MARCHF8: variants seen among roughly 807,000 people sequenced by gnomAD.
The protein encoded by MARCHF8 is membrane associated ring-CH-type finger 8, also known as E3 ubiquitin-protein ligase MARCHF8.
Under a neutral mutation model 51.6 loss-of-function variants are expected in MARCHF8, and 40 were observed. That is an observed-to-expected ratio of 0.77 (90% CI 0.60 to 1.01). MARCHF8 has a LOEUF of 1.01. MARCHF8 is among the 50% of genes least tolerant of loss of function. The probability of loss-of-function intolerance (pLI) is 0.00; values close to 1 mark genes in which losing one functional copy is unlikely to be tolerated. For missense variants in MARCHF8, 685 were observed against 708.6 expected, an observed-to-expected ratio of 0.97 and a Z score of 0.38; for synonymous variants, 263 against 280.3, an observed-to-expected ratio of 0.94 and a Z score of 0.62.
At chr10:45,464,653 T>C (rs1182451904) in intron 3 of MARCHF8, among the ~76,000 whole-genome samples, 1 of 152,210 alleles carries the variant, frequency 6.6e-6, no homozygotes, top group Non-Finnish European at 1.5e-5. Context: ...CTAGAAGGTA[T>C]CATACAAATG....
intron 3 of MARCHF8, among the ~76,000 whole-genome samples, chr10:45,486,696 C>T (rs532961628): frequency 6.6e-6 from 1 of 152,030 alleles, no homozygotes; most frequent in Non-Finnish European, 1.5e-5. Context: ...CGAACTTTGA[C>T]AAGAGTCAGG....
At chr10:45,546,594 C>A (rs2044126054) in intron 1 of MARCHF8, among the ~76,000 whole-genome samples, 1 of 151,786 alleles carries the variant, frequency 6.6e-6, no homozygotes, top group Admixed American at 6.6e-5. Context: ...CCAGCCTGGG[C>A]CACATGGTGA....
chr10:45,489,341 A>C, intron 3 of MARCHF8, 26 bp downstream of exon 3: 1 of 1,587,848 alleles, frequency 6.3e-7, no homozygotes, highest in South Asian at 1.1e-5. Flanking sequence ...CAAGGTAATA[A>C]ATAACATTTT....
chr10:45,580,124 A>T (rs1268482339), intron 1 of MARCHF8, among the ~76,000 whole-genome samples: 1 of 152,122 alleles, frequency 6.6e-6, no homozygotes, highest in Non-Finnish European at 1.5e-5. Flanking sequence ...AATGATAACT[A>T]TAATAGCAAA....
Position 45,463,671 on chromosome 10 carries a change from T to C in MARCHF8, c.568A>G (p.Thr190Ala), listed in dbSNP as rs1472146947. The change falls in exon 5 of 8, where the codon ACG becomes GCG. Residue 190 changes from threonine to alanine, a missense_variant. Thr to Ala is a moderately conservative substitution (Grantham distance 58, BLOSUM62 0). Coordinates refer to ENST00000453424, the MANE Select transcript of MARCHF8 (RefSeq NM_001282866.2). ...SEGKLILPQD[T>A]CLRTNRFHHK... The stretch of plus-strand genomic sequence containing the variant: ...TGAAACCTGTTAGTTCTGAGACACG[T>C]ATCTTGAGGGAGTATTAATTTCCCT... The C allele has an allele frequency of 6.4e-7, 1 of 1,550,800 alleles. No homozygotes were observed. The highest frequency in any genetic ancestry group is 2.4e-5 in the East Asian group (1 of 40,926).
In MARCHF8 at chr10:45,581,941, C is replaced by CAA. The variant is rs78688601; in HGVS notation, c.-79+12292_-79+12293dup. ...GAGAACAGTACTTAGGCACTTCAAC[C>CAA]AAAAAAAAAAAAAAAGCAGATTTTC... On this transcript the variant is annotated intron_variant, in intron 1 of 6. Transcript: ENST00000319836. Among the ~76,000 whole-genome samples, 33 of 92,324 alleles carry CAA rather than the reference C, an allele frequency of 3.6e-4. No individual in the cohort carries two copies. The South Asian group carries it at 4.8e-3, about 13-fold the overall frequency. The allele number at this position is 92,324 out of a possible 152,430, so 60.6% of individuals were successfully genotyped here. A position where few individuals can be genotyped will look rare whatever the true frequency, so the allele number is the denominator to read the frequency against.
intron 1 of MARCHF8, among the ~76,000 whole-genome samples, chr10:45,542,086 C>A (rs934691069): frequency 6.6e-6 from 1 of 152,106 alleles, no homozygotes; most frequent in South Asian, 2.1e-4. Flanking sequence ...TGGCTCATGC[C>A]GGTAATCCCA....
At chr10:45,560,371 A>C (rs2044295844) in intron 1 of MARCHF8, among the ~76,000 whole-genome samples, 1 of 152,130 alleles carries the variant, frequency 6.6e-6, no homozygotes, top group Non-Finnish European at 1.5e-5. Flanking sequence ...TTAGATAACA[A>C]GGGGATGTAA....
At chr10:45,591,079 G>A (rs552472292) in intron 1 of MARCHF8, among the ~76,000 whole-genome samples, 2 of 152,128 alleles carry the variant, frequency 1.3e-5, no homozygotes, top group African/African-American at 4.8e-5. Flanking sequence ...CCCCTTGCCC[G>A]CAAAACATTG....
chr10:45,560,259 G>A (rs927606561), intron 1 of MARCHF8, among the ~76,000 whole-genome samples: 3 of 152,196 alleles, frequency 2.0e-5, no homozygotes, highest in Admixed American at 6.5e-5. Context: ...ATTGCAGAAC[G>A]ATGCAAACCT....
chr10:45,480,132 G>A (rs1019932538), intron 3 of MARCHF8, among the ~76,000 whole-genome samples: 12 of 152,140 alleles, frequency 7.9e-5, no homozygotes, highest in African/African-American at 2.7e-4. Flanking sequence ...CTGATGTGTG[G>A]AACTTTGAAC....
intron 1 of MARCHF8, among the ~76,000 whole-genome samples, chr10:45,579,988 G>A (rs1317087851): frequency 2.9e-4 from 28 of 97,128 alleles, no homozygotes; most frequent in Non-Finnish European, 3.7e-5. Flanking sequence ...ACTCCAGCCT[G>A]AAAGACTCCG....
intron 6 of MARCHF8, chr10:45,459,698 G>C (rs1842725797): frequency 2.0e-6 from 2 of 984,092 alleles, no homozygotes; most frequent in African/African-American, 3.5e-5. Flanking sequence ...CTAGCAGATG[G>C]GTCACACTAC....
At chr10:45,535,397 G>T (rs1359987202), upstream of MARCHF8, 1 of 152,216 alleles carries the variant, frequency 6.6e-6, no homozygotes, top group East Asian at 1.9e-4. Context: ...TGGTGCTTCT[G>T]ATATAATCAT....
intron 1 of MARCHF8, among the ~76,000 whole-genome samples, chr10:45,547,143 A>G (rs1262937313): frequency 6.6e-6 from 1 of 152,246 alleles, no homozygotes; most frequent in Non-Finnish European, 1.5e-5. Flanking sequence ...GCAATGCTGA[A>G]AATAAGTGGA....
chr10:45,493,188 T>A (rs1454939358), intron 2 of MARCHF8, among the ~76,000 whole-genome samples: 1 of 152,230 alleles, frequency 6.6e-6, no homozygotes, highest in Admixed American at 6.5e-5. Flanking sequence ...CAGAATGGCA[T>A]CTTGGTTCTG....
chr10:45,463,853 C>A lies in MARCHF8; in HGVS notation c.386G>T (p.Arg129Ile). 3.9e-6 allele frequency: 6 copies of A among 1,541,234 alleles called. No homozygotes were observed. The highest frequency in any genetic ancestry group is 5.2e-6 in the Non-Finnish European group (6 of 1,146,996). ...ICKDTLQASK[R>I]NSFGSEWAQA... Reference sequence around the variant, plus strand: ...GGCCCATTCTGAACCAAAGGAATTTCTCTTTGACGCCTGTAATGTGTCCTT... The same window carrying A: ...GGCCCATTCTGAACCAAAGGAATTTATCTTTGACGCCTGTAATGTGTCCTT... Residue 129 changes from arginine to isoleucine, a missense_variant, in exon 5 of 8, where the codon AGA becomes ATA. Physicochemically the swap from Arg to Ile is moderately conservative, Grantham distance 97. Transcript: ENST00000453424.
intron 1 of MARCHF8, among the ~76,000 whole-genome samples, chr10:45,580,415 AG>A (rs1687821015): frequency 6.6e-6 from 1 of 152,164 alleles, no homozygotes; most frequent in Non-Finnish European, 1.5e-5. Context: ...CCAGTTTATG[AG>A]ATCTCACCCC....
intron 1 of MARCHF8, among the ~76,000 whole-genome samples, chr10:45,587,553 T>C (rs985444101): frequency 6.6e-6 from 1 of 152,184 alleles, no homozygotes; most frequent in Non-Finnish European, 1.5e-5. Context: ...CCACAAGTTG[T>C]TTTCTTTTTT....
Sources: allele counts gnomAD v4.1 joint callset (sites outside exome capture counted in the v4.1 genomes callset), GRCh38; gene constraint gnomAD v4.1.1; transcripts MANE v1.5; gene names NCBI Gene and HGNC (gene_info 2026-07-23, HGNC 2026-07-21).